The following FAM53A variants were observed in gnomAD, a reference collection of about 807,000 sequenced individuals.
FAM53A encodes protein FAM53A.
FAM53A carries 28 observed loss-of-function variants against 26.6 expected under a neutral mutation model. The observed-to-expected ratio is 1.05, with a 90% CI of 0.78 to 1.45. FAM53A has a LOEUF of 1.45. Ranked by LOEUF, FAM53A falls within the 40% of genes most tolerant of loss-of-function variation. The pLI is 0.00. For missense variants in FAM53A, 650 were observed against 575.8 expected, an observed-to-expected ratio of 1.13 and a Z score of -1.32; for synonymous variants, 290 against 253.1, an observed-to-expected ratio of 1.15 and a Z score of -1.38.
intron 4 of FAM53A, among the ~76,000 whole-genome samples, chr4:1,649,741 A>G (rs1163856401): frequency 6.6e-6 from 1 of 152,220 alleles, no homozygotes; most frequent in African/African-American, 2.4e-5. Context: ...GGTAACCACA[A>G]CCTGGCTGAC....
At chr4:1,595,936 T>C in the FAM53A span, among the ~76,000 whole-genome samples, 6 of 152,220 alleles carry the variant, frequency 3.9e-5, no homozygotes, top group African/African-American at 7.2e-5. Flanking sequence ...GGACCGGGTG[T>C]GACCCCTGGT....
downstream of FAM53A, among the ~76,000 whole-genome samples, chr4:1,635,648 T>C (rs1360081185): frequency 6.6e-6 from 1 of 152,136 alleles, no homozygotes; most frequent in Non-Finnish European, 1.5e-5. Context: ...ACTTGGGATC[T>C]ACTCCACAAG....
intron 4 of FAM53A, among the ~76,000 whole-genome samples, chr4:1,645,629 A>C (rs1480447648): frequency 6.6e-6 from 1 of 152,144 alleles, no homozygotes; most frequent in Non-Finnish European, 1.5e-5. Flanking sequence ...TCCTCATCCC[A>C]AGGGGGATGG....
the FAM53A span, among the ~76,000 whole-genome samples, chr4:1,578,559 G>A: frequency 6.6e-6 from 1 of 151,632 alleles, no homozygotes; most frequent in Non-Finnish European, 1.5e-5. Flanking sequence ...GCCTTGCTGG[G>A]GGCAGAAGAT....
Position 1,634,099 on chromosome 4 carries a change from C to T in FAM53A, c.432-15988G>A, listed in dbSNP as rs553046812. ...GGCAGAGGGAGTGCGGGGTTTGCAG[C>T]CTGTGAGGGAACCGGGGCCTCTTCA... is the stretch of plus-strand genomic sequence containing the variant. On this transcript the variant is annotated intron_variant, in intron 1 of 1. Coordinates refer to the FAM53A transcript ENST00000489029. Among the ~76,000 whole-genome samples the T allele has an allele frequency of 2.6e-5, 4 of 152,222 alleles. No homozygotes were observed. In the South Asian group the frequency reaches 8.3e-4, roughly 32 times the overall value.
chr4:1,605,145 G>A, the FAM53A span, among the ~76,000 whole-genome samples: 3 of 152,206 alleles, frequency 2.0e-5, no homozygotes, highest in South Asian at 4.1e-4. This position sits in a 1 kb window ranked among gnomAD's most constrained non-coding sequence, Gnocchi z 5.7. Flanking sequence ...GGCTTCCACC[G>A]GGCAATTTCA....
At chr4:1,616,716 T>C (rs56301254), downstream of FAM53A, among the ~76,000 whole-genome samples, 58,565 of 152,184 alleles carry the variant, frequency 0.38, 12,065 homozygotes, top group African/African-American at 0.5. Flanking sequence ...AAAGCTTGGA[T>C]TGGTGACAGT....
chr4:1,625,468 G>A (rs1436645763), intron 1 of FAM53A, among the ~76,000 whole-genome samples: 13 of 79,252 alleles, frequency 1.6e-4, no homozygotes, highest in East Asian at 5.8e-4. Context: ...CCCGGCCCAC[G>A]TGGTCAGGGT....
chr4:1,661,413 C>T (rs62287708), intron 2 of FAM53A, among the ~76,000 whole-genome samples: 18 of 152,206 alleles, frequency 1.2e-4, no homozygotes, highest in Non-Finnish European at 4.4e-5. Flanking sequence ...GCTTCCCACC[C>T]GCCTCCCTGC....
At chr4:1,679,547 G>A (rs141867324) in intron 1 of FAM53A, among the ~76,000 whole-genome samples, 13,066 of 149,804 alleles carry the variant, frequency 0.087, 1,635 homozygotes, top group African/African-American at 0.28. Context: ...TTAGCCTGGC[G>A]TGGTGGCACG....
the FAM53A span, among the ~76,000 whole-genome samples, chr4:1,604,417 A>G: frequency 3.0e-3 from 463 of 152,268 alleles, 6 homozygotes; most frequent in East Asian, 0.032. Flanking sequence ...GACCCTGGAC[A>G]GGAACGTGGA....
At chr4:1,650,377 T>A (rs1422275337) in intron 4 of FAM53A, among the ~76,000 whole-genome samples, 1 of 70,948 alleles carries the variant, frequency 1.4e-5, no homozygotes, top group African/African-American at 7.2e-5. Context: ...GTGGCACAGG[T>A]GTGGTGTTTG....
At chr4:1,624,108 C>A (rs1452294912) in intron 1 of FAM53A, among the ~76,000 whole-genome samples, 8 of 152,226 alleles carry the variant, frequency 5.3e-5, no homozygotes, top group Admixed American at 5.2e-4. Flanking sequence ...TGGCCAGGTG[C>A]CCCCTCCCTG....
the FAM53A span, among the ~76,000 whole-genome samples, chr4:1,611,301 C>G: frequency 2.0e-5 from 3 of 152,128 alleles, no homozygotes; most frequent in African/African-American, 4.8e-5. Flanking sequence ...AGAGACACCC[C>G]TGGCTGGAGG....
intron 4 of FAM53A, among the ~76,000 whole-genome samples, chr4:1,646,171 G>A (rs547606758): frequency 1.3e-5 from 2 of 152,182 alleles, no homozygotes; most frequent in African/African-American, 4.8e-5. Flanking sequence ...CGCGGTCTCG[G>A]CTCACTGCAA....
At chr4:1,679,380 T>C (rs1715250391) in intron 1 of FAM53A, among the ~76,000 whole-genome samples, 1 of 107,716 alleles carries the variant, frequency 9.3e-6, no homozygotes. Context: ...GGTGAGACCA[T>C]GTCTCCAAAA....
chr4:1,642,725 C>T (rs1188888113), intron 4 of FAM53A, among the ~76,000 whole-genome samples: 2 of 151,870 alleles, frequency 1.3e-5, no homozygotes, highest in African/African-American at 2.4e-5. Context: ...TGCCCAGCGC[C>T]GTCCATGCCA....
chr4:1,651,784 C>CTGGGGA, intron 4 of FAM53A, among the ~76,000 whole-genome samples: 4 of 151,498 alleles, frequency 2.6e-5, no homozygotes, highest in South Asian at 2.1e-4. Context: ...GGACCCAAAG[C>CTGGGGA]CGGGGACAGG....
downstream of FAM53A, among the ~76,000 whole-genome samples, chr4:1,635,835 T>TC (rs1354405424): frequency 7.3e-6 from 1 of 136,520 alleles, no homozygotes; most frequent in Non-Finnish European, 1.6e-5. Context: ...TAATACTAAT[T>TC]CTTTTTTTTT....
Sources: gnomAD v4.1 joint callset for allele counts (sites outside exome capture counted in the v4.1 genomes callset) on GRCh38, gnomAD v4.1.1 for gene constraint, Gnocchi (gnomAD v3.1) non-coding constraint, MANE v1.5 for transcripts, NCBI Gene and HGNC (gene_info 2026-07-23, HGNC 2026-07-21) for gene names.